Variants in PDE1A observed in about 807,000 individuals in gnomAD.
The protein encoded by PDE1A is phosphodiesterase 1A.
In PDE1A, 35 loss-of-function variants were observed where a neutral mutation model predicts 61.7. That is an observed-to-expected ratio of 0.57 (90% CI 0.43 to 0.75). PDE1A has a LOEUF of 0.75. PDE1A is among the 30% of genes least tolerant of loss of function. PDE1A has a pLI of 0.00. For missense variants in PDE1A, 597 were observed against 630.6 expected (o/e 0.95, Z 0.57); for synonymous variants, 232 against 213.2 (o/e 1.09, Z -0.77).
chr2:182,237,356 CG>C (rs1222456373), intron 3 of PDE1A, among the ~76,000 whole-genome samples: 1 of 151,972 alleles, frequency 6.6e-6, no homozygotes, highest in Non-Finnish European at 1.5e-5. Context: ...ATTAGCCGTG[CG>C]TGGTGGCATG....
intron 13 of PDE1A, among the ~76,000 whole-genome samples, chr2:182,169,229 G>A (rs1420979262): frequency 2.0e-5 from 3 of 151,768 alleles, no homozygotes; most frequent in African/African-American, 7.3e-5. Context: ...ACTTTACATT[G>A]ATTCCATCTC....
the PDE1A span, among the ~76,000 whole-genome samples, chr2:182,696,894 T>C: frequency 6.6e-6 from 1 of 152,224 alleles, no homozygotes; most frequent in African/African-American, 2.4e-5. Flanking sequence ...TGAAATCATA[T>C]AACTATATAA....
At chr2:182,395,181 T>C (rs1031498355) in intron 1 of PDE1A, among the ~76,000 whole-genome samples, 3 of 152,248 alleles carry the variant, frequency 2.0e-5, no homozygotes, top group South Asian at 2.1e-4. Context: ...TAAAGGCTGC[T>C]AGAAGCAATT....
the PDE1A span, among the ~76,000 whole-genome samples, chr2:182,634,894 A>G: frequency 6.6e-6 from 1 of 152,232 alleles, no homozygotes; most frequent in Non-Finnish European, 1.5e-5. Flanking sequence ...TGTTCCAGAA[A>G]TATTGAAAAC....
At chr2:182,264,224 A>AT in intron 2 of PDE1A, 77 bp downstream of exon 2, 3 of 928,720 alleles carry the variant, frequency 3.2e-6, no homozygotes, top group Non-Finnish European at 3.3e-6. Flanking sequence ...CCTGTTTGAG[A>AT]TAAAGGAGGG....
chr2:182,503,217 A>T (rs1428085059), intron 2 of PDE1A, among the ~76,000 whole-genome samples: 1 of 152,192 alleles, frequency 6.6e-6, no homozygotes, highest in Non-Finnish European at 1.5e-5. Context: ...CAATGTCACC[A>T]AAGCTACAGA....
chr2:182,512,855 C>T (rs1419249867), intron 2 of PDE1A, among the ~76,000 whole-genome samples: 2 of 152,164 alleles, frequency 1.3e-5, no homozygotes, highest in Admixed American at 6.5e-5. Context: ...AAGAATCTCA[C>T]AGCTCAAAGT....
At chr2:182,431,988 G>A (rs557694035), upstream of PDE1A, among the ~76,000 whole-genome samples, 2 of 152,152 alleles carry the variant, frequency 1.3e-5, no homozygotes, top group Admixed American at 6.6e-5. Flanking sequence ...TGATATCAAG[G>A]TGAATTGAAT....
intron 1 of PDE1A, among the ~76,000 whole-genome samples, chr2:182,319,677 G>C (rs1696576547): frequency 6.6e-6 from 1 of 152,128 alleles, no homozygotes; most frequent in Non-Finnish European, 1.5e-5. Context: ...ACCTTTCCTA[G>C]CTGGCTCATT....
chr2:182,271,050 C>A (rs1282977725), intron 1 of PDE1A, among the ~76,000 whole-genome samples: 1 of 151,574 alleles, frequency 6.6e-6, no homozygotes, highest in African/African-American at 2.4e-5. Context: ...ATTCCCCAAA[C>A]AATTTCTATA....
At chr2:182,150,433 A>C (rs1173011831) in intron 13 of PDE1A, among the ~76,000 whole-genome samples, 1 of 152,188 alleles carries the variant, frequency 6.6e-6, no homozygotes, top group African/African-American at 2.4e-5. Flanking sequence ...GTCACTTTTG[A>C]ATTTCATCTT....
At chr2:182,708,990 A>AT in the PDE1A span, among the ~76,000 whole-genome samples, 1 of 152,184 alleles carries the variant, frequency 6.6e-6, no homozygotes, top group Non-Finnish European at 1.5e-5. Context: ...GTCAAAAAAA[A>AT]CAGGAACCAC....
chr2:182,329,258 T>G (rs965544953), intron 1 of PDE1A, among the ~76,000 whole-genome samples: 1 of 152,336 alleles, frequency 6.6e-6, no homozygotes, highest in South Asian at 2.1e-4. Flanking sequence ...AGTTGTTCCT[T>G]GAATATGTCA....
intron 2 of PDE1A, among the ~76,000 whole-genome samples, chr2:182,510,831 TTCCTGC>T (rs1689733406): frequency 6.6e-6 from 1 of 152,160 alleles, no homozygotes. Flanking sequence ...TATACCCTAG[TTCCTGC>T]TCCAGGGAAA....
intron 2 of PDE1A, among the ~76,000 whole-genome samples, chr2:182,470,267 A>G (rs988083396): frequency 6.6e-6 from 1 of 151,938 alleles, no homozygotes; most frequent in Non-Finnish European, 1.5e-5. Flanking sequence ...CCAACATTTC[A>G]TAATAAAAGC....
the PDE1A span, among the ~76,000 whole-genome samples, chr2:182,681,709 G>A: frequency 2.6e-5 from 4 of 151,926 alleles, no homozygotes; most frequent in African/African-American, 4.8e-5. Flanking sequence ...GCAGTGGCAC[G>A]ATCTGGGCTC....
chr2:182,372,848 A>G (rs1292118628), intron 1 of PDE1A, among the ~76,000 whole-genome samples: 1 of 152,242 alleles, frequency 6.6e-6, no homozygotes, highest in Non-Finnish European at 1.5e-5. Context: ...AAGATGACTC[A>G]TAAGACAAAA....
At chr2:182,655,103 G>A in the PDE1A span, among the ~76,000 whole-genome samples, 3 of 152,178 alleles carry the variant, frequency 2.0e-5, no homozygotes, top group African/African-American at 7.2e-5. Context: ...TAACTACAGA[G>A]CTTCTCGAAG....
At chr2:182,148,989 T>A (rs1396206429) in intron 13 of PDE1A, among the ~76,000 whole-genome samples, 1 of 152,198 alleles carries the variant, frequency 6.6e-6, no homozygotes, top group African/African-American at 2.4e-5. Flanking sequence ...ATCTTATTAC[T>A]GAGTTTTGAA....
Sources: gnomAD v4.1 joint callset for allele counts (sites outside exome capture counted in the v4.1 genomes callset) on GRCh38, gnomAD v4.1.1 for gene constraint, MANE v1.5 for transcripts, NCBI Gene and HGNC (gene_info 2026-07-23, HGNC 2026-07-21) for gene names.